The following SFRP1 variants were observed in gnomAD, a reference collection of about 807,000 sequenced individuals.
SFRP1 encodes the protein secreted frizzled related protein 1.
In SFRP1, 9 loss-of-function variants were observed where a neutral mutation model predicts 25.9. That is an observed-to-expected ratio of 0.35 (90% CI 0.21 to 0.61). SFRP1 has a LOEUF of 0.61. Ranked by LOEUF, SFRP1 falls within the 20% of genes least tolerant of loss-of-function variation. The probability of loss-of-function intolerance (pLI) is 0.78; values close to 1 mark genes in which losing one functional copy is unlikely to be tolerated. For missense variants in SFRP1, 346 were observed against 418.2 expected, an observed-to-expected ratio of 0.83 and a Z score of 1.51; for synonymous variants, 178 against 174.0, an observed-to-expected ratio of 1.02 and a Z score of -0.18.
chr8:41,308,347 C>G (rs1295131580), intron 1 of SFRP1, among the ~76,000 whole-genome samples: 2 of 152,046 alleles, frequency 1.3e-5, no homozygotes, highest in Non-Finnish European at 2.9e-5. Context: ...CTCCGGGGAC[C>G]ACAGCGAGTC....
In SFRP1 at chr8:41,265,405, C is replaced by G. The variant is rs1293000885; in HGVS notation, c.707G>C (p.Gly236Ala). 1 of 1,613,740 alleles carries G rather than the reference C, an allele frequency of 6.2e-7. No individual in the cohort carries two copies. The highest frequency in any genetic ancestry group is 8.5e-7 in the Non-Finnish European group (1 of 1,180,012). ...VPKKKKPLKL[G>A]PIKKKDLKKL... ...CTTCAGGTCCTTCTTCTTGATGGGC[C>G]CCAACTTCAGGGGCTTCTTCTTCTT... The change falls in exon 3 of 3, where the codon GGG becomes GCG. Residue 236 changes from glycine to alanine, a missense_variant. Physicochemically the swap from Gly to Ala is moderately conservative, Grantham distance 60 (BLOSUM62 0). Coordinates refer to ENST00000220772, the MANE Select transcript of SFRP1 (RefSeq NM_003012.5).
Position 41,309,397 on chromosome 8 carries a change from G to C in SFRP1, c.-238C>G, listed in dbSNP as rs984026981. ...GCGGGCTGGGTGCGCCCCGGCTCCC[G>C]GAGGTGCGGCGAGCAGGAAGGCGCG... On this transcript the variant is annotated 5_prime_UTR_variant, in exon 1 of 3. Transcript: ENST00000220772. 55 of 212,478 alleles carry C rather than the reference G, an allele frequency of 2.6e-4. No homozygotes were observed. Among genetic ancestry groups the C allele is most frequent in the African/African-American group, 1.2e-3 (52 of 42,724 alleles). 13.2% of individuals were successfully genotyped at this position (212,478 alleles called of 1,614,324 possible). A position where few individuals can be genotyped will look rare whatever the true frequency, so the allele number is the denominator to read the frequency against.
intron 2 of SFRP1, among the ~76,000 whole-genome samples, chr8:41,267,708 A>G (rs995902020): frequency 1.3e-5 from 2 of 152,244 alleles, no homozygotes; most frequent in African/African-American, 4.8e-5. Flanking sequence ...CCCATCTAAT[A>G]GATGAGAAAA....
At position 41,263,940 on chromosome 8, in the gene SFRP1, T is replaced by C. The variant is rs1803403595; in HGVS notation, c.*1227A>G. On this transcript the variant is annotated 3_prime_UTR_variant, in exon 3 of 3. Coordinates refer to ENST00000220772, the MANE Select transcript of SFRP1 (RefSeq NM_003012.5). ...TAGGCAATCAAGTTCAAAGGAAATG[T>C]TTCTTTACAGGAAAGAAAAAAACGG... The C allele has an allele frequency of 6.6e-6, 1 of 152,212 alleles. No individual in the cohort carries two copies. Among genetic ancestry groups the C allele is most frequent in the African/African-American group, 2.4e-5 (1 of 41,448 alleles). The allele number at this position is 152,212 out of a possible 1,614,324, so 9.4% of individuals were successfully genotyped here. A position where few individuals can be genotyped will look rare whatever the true frequency, so the allele number is the denominator to read the frequency against.
chr8:41,282,961 A>G lies in SFRP1; in HGVS notation c.623-17472T>C, dbSNP rs112585619. On this transcript the variant is annotated intron_variant, in intron 2 of 2. Coordinates refer to ENST00000220772, the MANE Select transcript of SFRP1 (RefSeq NM_003012.5). Reference sequence around the variant, plus strand: ...ATTCATTTCCCTATGTTCTTTCAAGAAGCTCTCTGTGGCTATCTACGATCT... The same window carrying G: ...ATTCATTTCCCTATGTTCTTTCAAGGAGCTCTCTGTGGCTATCTACGATCT... 2.6e-3 allele frequency among the ~76,000 whole-genome samples: 392 copies of G among 152,174 alleles called. 3 individuals are homozygous for G. The highest frequency in any genetic ancestry group is 4.7e-3 in the Non-Finnish European group (322 of 68,032).
At chr8:41,286,152 G>A (rs1265843994) in intron 2 of SFRP1, among the ~76,000 whole-genome samples, 1 of 152,148 alleles carries the variant, frequency 6.6e-6, no homozygotes, top group African/African-American at 2.4e-5. Context: ...GAACCCAAGA[G>A]AGAGAAACAC....
chr8:41,298,697 G>T (rs1425816726), intron 2 of SFRP1, among the ~76,000 whole-genome samples: 1 of 152,120 alleles, frequency 6.6e-6, no homozygotes, highest in East Asian at 1.9e-4. Flanking sequence ...TTACAGATGT[G>T]AGACAGCATG....
chr8:41,302,189 C>G (rs1803929789), intron 2 of SFRP1, among the ~76,000 whole-genome samples: 1 of 152,232 alleles, frequency 6.6e-6, no homozygotes, highest in Non-Finnish European at 1.5e-5. Flanking sequence ...GTAACTCACA[C>G]TGCTGCATCA....
At chr8:41,293,433 C>T (rs551117434) in intron 2 of SFRP1, among the ~76,000 whole-genome samples, 1 of 152,314 alleles carries the variant, frequency 6.6e-6, no homozygotes, top group East Asian at 1.9e-4. Flanking sequence ...CAACATTCTC[C>T]TCTGTATTTA....
rs1803414653 is a variant in SFRP1 at position 41,264,856 on chromosome 8, T to C, written c.*311A>G. The C allele has an allele frequency of 3.4e-6, 1 of 292,346 alleles. No individual in the cohort carries two copies. Among genetic ancestry groups the C allele is most frequent in the Admixed American group, 4.8e-5 (1 of 21,000 alleles). 18.1% of individuals were successfully genotyped at this position (292,346 alleles called of 1,614,324 possible). A position where few individuals can be genotyped will look rare whatever the true frequency, so the allele number is the denominator to read the frequency against. On this transcript the variant is annotated 3_prime_UTR_variant, in exon 3 of 3. Transcript: ENST00000220772. ...TCCGCCCAATCCCCCTTTTTGTGTT[T>C]TAGTGGCTGTGTTGCTGTTGGAAAT...
Position 41,302,793 on chromosome 8 carries a change from C to T in SFRP1, c.622+668G>A, listed in dbSNP as rs538359663. ...GCCCCTGGCATCTCCCCCACCTCCC[C>T]CTGGCCCCCACCAGCTCCTCCTTCT... is the stretch of plus-strand genomic sequence containing the variant. On this transcript the variant is annotated intron_variant, in intron 2 of 2. Coordinates refer to ENST00000220772, the MANE Select transcript of SFRP1 (RefSeq NM_003012.5). Among the ~76,000 whole-genome samples, 3 of 152,276 alleles carry T rather than the reference C, an allele frequency of 2.0e-5. No individual in the cohort carries two copies. In the South Asian group the frequency reaches 6.2e-4, roughly 32 times the overall value.
intron 2 of SFRP1, among the ~76,000 whole-genome samples, chr8:41,295,595 G>C (rs368521210): frequency 6.6e-6 from 1 of 150,996 alleles, no homozygotes; most frequent in Non-Finnish European, 1.5e-5. Flanking sequence ...ATTTCATCTC[G>C]TCCCCATCAT....
chr8:41,302,398 C>G (rs1196026636), intron 2 of SFRP1, among the ~76,000 whole-genome samples: 5 of 152,230 alleles, frequency 3.3e-5, no homozygotes, highest in Non-Finnish European at 5.9e-5. Context: ...AGGGCAGGAA[C>G]AAGACCCTTC....
intron 2 of SFRP1, among the ~76,000 whole-genome samples, chr8:41,271,894 G>C (rs1333305520): frequency 6.6e-6 from 1 of 152,120 alleles, no homozygotes; most frequent in Non-Finnish European, 1.5e-5. Flanking sequence ...AGTCTGGGGA[G>C]ATTGAGGCTG....
chr8:41,299,000 T>C (rs1302530416), intron 2 of SFRP1, among the ~76,000 whole-genome samples: 6 of 152,076 alleles, frequency 3.9e-5, no homozygotes, highest in Admixed American at 1.3e-4. Context: ...TGAGAGTCTA[T>C]AGTCATATCC....
intron 2 of SFRP1, among the ~76,000 whole-genome samples, chr8:41,287,604 C>T (rs1208750127): frequency 6.6e-6 from 1 of 152,216 alleles, no homozygotes; most frequent in Admixed American, 6.5e-5. Context: ...TGCTTTCGAT[C>T]TCAGGGTCTT....
intron 1 of SFRP1, chr8:41,307,120 C>T: frequency 1.1e-6 from 1 of 935,904 alleles, no homozygotes. Flanking sequence ...GAAATTCCCG[C>T]AGGCTGCAGG....
intron 2 of SFRP1, among the ~76,000 whole-genome samples, chr8:41,272,366 AGGCCAAGGCAGGTGGATCACTTGG>A (rs1203956033): frequency 1.3e-5 from 2 of 152,236 alleles, no homozygotes; most frequent in Non-Finnish European, 2.9e-5. Context: ...GCACTTTGGG[AGGCCAAGGCAGGTGGATCACTTGG>A]GGCCAAGAGT....
intron 2 of SFRP1, among the ~76,000 whole-genome samples, chr8:41,279,347 T>G (rs1803607361): frequency 6.6e-6 from 1 of 152,180 alleles, no homozygotes; most frequent in Non-Finnish European, 1.5e-5. Flanking sequence ...CACCGAGTGC[T>G]TGCCCAGGCC....
Sources: allele counts gnomAD v4.1 joint callset (sites outside exome capture counted in the v4.1 genomes callset), GRCh38; gene constraint gnomAD v4.1.1; transcripts MANE v1.5; gene names NCBI Gene and HGNC (gene_info 2026-07-23, HGNC 2026-07-21).